Variants in HSD17B12 observed in about 807,000 individuals in gnomAD.
The protein encoded by HSD17B12 is very-long-chain 3-oxoacyl-CoA reductase.
A neutral mutation model predicts 39.3 loss-of-function variants in HSD17B12; 32 were observed. That is an observed-to-expected ratio of 0.81 (90% CI 0.61 to 1.09). HSD17B12 has a LOEUF of 1.09. HSD17B12 is among the 50% of genes least tolerant of loss of function. The probability of loss-of-function intolerance (pLI) is 0.00; values close to 1 mark genes in which losing one functional copy is unlikely to be tolerated. For synonymous variants in HSD17B12, 150 were observed against 146.7 expected, an observed-to-expected ratio of 1.02 and a Z score of -0.16; for missense variants, 342 against 382.9, an observed-to-expected ratio of 0.89 and a Z score of 0.89.
At chr11:43,841,761 G>A (rs987104282) in intron 9 of HSD17B12, among the ~76,000 whole-genome samples, 3 of 152,130 alleles carry the variant, frequency 2.0e-5, no homozygotes, top group African/African-American at 7.2e-5. Context: ...CTGCCTATCA[G>A]CTACCCCACC....
At chr11:43,568,157 TG>T in the HSD17B12 span, among the ~76,000 whole-genome samples, 148 of 152,282 alleles carry the variant, frequency 9.7e-4, no homozygotes, top group African/African-American at 3.3e-3. Flanking sequence ...GAGTGTGCAG[TG>T]GTGTGATCTT....
chr11:43,768,723 T>G (rs1327931957), intron 3 of HSD17B12, among the ~76,000 whole-genome samples: 2 of 151,944 alleles, frequency 1.3e-5, no homozygotes, highest in Non-Finnish European at 2.9e-5. Context: ...CTGTGAAGAG[T>G]CAAAGAACAA....
intron 1 of HSD17B12, among the ~76,000 whole-genome samples, chr11:43,709,099 T>C (rs1290022469): frequency 6.6e-6 from 1 of 152,154 alleles, no homozygotes; most frequent in African/African-American, 2.4e-5. Context: ...AAGAAAGAAA[T>C]TGTTTTCACC....
At chr11:43,771,785 C>T (rs1376422915) in intron 3 of HSD17B12, among the ~76,000 whole-genome samples, 1 of 152,006 alleles carries the variant, frequency 6.6e-6, no homozygotes, top group African/African-American at 2.4e-5. Flanking sequence ...TTGATAGTCT[C>T]TTTCTCATGT....
At chr11:43,718,602 A>G (rs1221895574) in intron 1 of HSD17B12, 1 of 572,794 alleles carries the variant, frequency 1.7e-6, no homozygotes, top group Non-Finnish European at 3.1e-6. Context: ...CAATTTTGAA[A>G]TTCATCTGGG....
the HSD17B12 span, among the ~76,000 whole-genome samples, chr11:43,607,576 C>T: frequency 6.6e-6 from 1 of 152,140 alleles, no homozygotes; most frequent in Non-Finnish European, 1.5e-5. Flanking sequence ...ACTTGATCTT[C>T]ACAACAACCA....
intron 1 of HSD17B12, among the ~76,000 whole-genome samples, chr11:43,692,951 T>G (rs566663981): frequency 1.5e-3 from 222 of 152,320 alleles, no homozygotes; most frequent in African/African-American, 5.2e-3. Flanking sequence ...TGGTTGACAA[T>G]TTTTACACAA....
chr11:43,754,879 A>G (rs962578992), intron 3 of HSD17B12: 1 of 760,190 alleles, frequency 1.3e-6, no homozygotes, highest in Non-Finnish European at 2.4e-6. Context: ...TTAGGCAATT[A>G]TACTTGAGAC....
the HSD17B12 span, among the ~76,000 whole-genome samples, chr11:43,649,906 G>A: frequency 6.6e-6 from 1 of 152,162 alleles, no homozygotes; most frequent in African/African-American, 2.4e-5. Flanking sequence ...AGAAGCCCTG[G>A]AGGATGCGAC....
At chr11:43,712,798 T>C (rs1321673504) in intron 1 of HSD17B12, among the ~76,000 whole-genome samples, 1 of 152,166 alleles carries the variant, frequency 6.6e-6, no homozygotes, top group Non-Finnish European at 1.5e-5. Flanking sequence ...TTACAAAAGG[T>C]CTGTGTTATA....
In HSD17B12 at chr11:43,793,196, G is replaced by A. The variant is rs188922098; in HGVS notation, c.284-5124G>A. Among the ~76,000 whole-genome samples the A allele has an allele frequency of 5.9e-5, 9 of 152,166 alleles. No individual in the cohort carries two copies. The East Asian group carries it at 7.7e-4, about 13-fold the overall frequency. ...TAGGAATAGTGAAAAATATGTCCAC[G>A]GATGCAGTAACATGACTTGAATCTT... On this transcript the variant is annotated intron_variant, in intron 3 of 10. Transcript: ENST00000278353.
At chr11:43,802,996 A>T (rs1950985764) in intron 4 of HSD17B12, among the ~76,000 whole-genome samples, 1 of 152,182 alleles carries the variant, frequency 6.6e-6, no homozygotes, top group African/African-American at 2.4e-5. Flanking sequence ...CTGTAAGTTT[A>T]GTTTTCTTCC....
chr11:43,650,887 G>T, the HSD17B12 span, among the ~76,000 whole-genome samples: 64 of 152,308 alleles, frequency 4.2e-4, no homozygotes, highest in African/African-American at 1.5e-3. Flanking sequence ...ATTCTGAGTC[G>T]TGTGATGAAA....
At chr11:43,742,066 A>G (rs1950370690) in intron 1 of HSD17B12, among the ~76,000 whole-genome samples, 5 of 148,506 alleles carry the variant, frequency 3.4e-5, no homozygotes, top group Admixed American at 3.4e-4. Flanking sequence ...TACAGCTGCT[A>G]TCTCTGCTAC....
At chr11:43,704,811 G>A (rs1949998978) in intron 1 of HSD17B12, among the ~76,000 whole-genome samples, 1 of 152,160 alleles carries the variant, frequency 6.6e-6, no homozygotes, top group Non-Finnish European at 1.5e-5. Context: ...CCACCTTGAA[G>A]ACCAGACAGA....
the HSD17B12 span, among the ~76,000 whole-genome samples, chr11:43,628,532 A>G: frequency 6.6e-6 from 1 of 152,116 alleles, no homozygotes; most frequent in Non-Finnish European, 1.5e-5. Flanking sequence ...GAGCTGTGTT[A>G]GCTTTCTAAT....
At chr11:43,601,769 G>C in the HSD17B12 span, among the ~76,000 whole-genome samples, 1 of 152,148 alleles carries the variant, frequency 6.6e-6, no homozygotes, top group Non-Finnish European at 1.5e-5. Flanking sequence ...TCAAGCAGCT[G>C]TTCAGTTATT....
chr11:43,804,657 C>A (rs193164535), intron 4 of HSD17B12, among the ~76,000 whole-genome samples: 19 of 152,222 alleles, frequency 1.2e-4, no homozygotes, highest in African/African-American at 4.1e-4. Flanking sequence ...CCTCATTAAA[C>A]CTTATGGATT....
rs931816190 is a variant in HSD17B12, at chr11:43,789,691, G to C, written c.284-8629G>C. Among the ~76,000 whole-genome samples the C allele has an allele frequency of 5.3e-5, 8 of 152,214 alleles. No individual in the cohort carries two copies. The South Asian group carries it at 6.2e-4, about 12-fold the overall frequency. ...GGCTAGCCATTGTGGTTTCATGCCT[G>C]TAATCCCAGCACTTTGGGAGCTCAT... On this transcript the variant is annotated intron_variant, in intron 3 of 10. Transcript: ENST00000278353.
Sources: gnomAD v4.1 joint callset for allele counts (sites outside exome capture counted in the v4.1 genomes callset) on GRCh38, gnomAD v4.1.1 for gene constraint, MANE v1.5 for transcripts, NCBI Gene and HGNC (gene_info 2026-07-23, HGNC 2026-07-21) for gene names.